Variants in PAG1 observed in about 807,000 individuals in gnomAD.
PAG1 encodes phosphoprotein membrane anchor with glycosphingolipid microdomains 1, also known as phosphoprotein associated with glycosphingolipid-enriched microdomains 1.
A neutral mutation model predicts 31.7 loss-of-function variants in PAG1; 23 were observed. The ratio of observed to expected loss-of-function variants is 0.73; its 90% confidence interval spans 0.52 to 1.03. The LOEUF (loss-of-function observed/expected upper bound fraction) is 1.03. Among genes scored for constraint, PAG1 ranks in the 50% least tolerant of loss-of-function variants. PAG1 has a pLI of 0.00. For synonymous variants in PAG1, 214 were observed against 210.3 expected, an observed-to-expected ratio of 1.02 and a Z score of -0.15; for missense variants, 473 against 540.7, an observed-to-expected ratio of 0.87 and a Z score of 1.24.
chr8:80,996,129 G>A (rs1563622348), intron 3 of PAG1, among the ~76,000 whole-genome samples: 1 of 152,252 alleles, frequency 6.6e-6, no homozygotes, highest in Non-Finnish European at 1.5e-5. Context: ...CCCCAGTTGC[G>A]GGGGCAGCTT....
chr8:81,020,325 G>C (rs1808141529), intron 3 of PAG1, among the ~76,000 whole-genome samples: 1 of 152,152 alleles, frequency 6.6e-6, no homozygotes, highest in Middle Eastern at 3.2e-3. Flanking sequence ...GGAGGGGCCA[G>C]GGGTAGAATG....
At chr8:81,079,496 A>C (rs1809231209) in intron 1 of PAG1, among the ~76,000 whole-genome samples, 1 of 152,092 alleles carries the variant, frequency 6.6e-6, no homozygotes, top group Non-Finnish European at 1.5e-5. Flanking sequence ...GATCAACAGG[A>C]ATAACTTATT....
At chr8:81,023,307 G>T (rs1011159524) in intron 3 of PAG1, among the ~76,000 whole-genome samples, 3 of 151,962 alleles carry the variant, frequency 2.0e-5, no homozygotes, top group African/African-American at 7.2e-5. Context: ...ACAAATTTTT[G>T]AAATGACAAA....
chr8:81,010,783 C>A (rs1001899068), intron 3 of PAG1, among the ~76,000 whole-genome samples: 8 of 152,230 alleles, frequency 5.3e-5, no homozygotes, highest in Admixed American at 5.2e-4. Context: ...GGCAGGTGGA[C>A]CCAACCATTC....
chr8:80,993,751 A>T (rs1319263600), intron 3 of PAG1, among the ~76,000 whole-genome samples: 1 of 147,896 alleles, frequency 6.8e-6, no homozygotes, highest in African/African-American at 2.5e-5. Context: ...GACTACAGGC[A>T]TGCGCCACCA....
intron 3 of PAG1, among the ~76,000 whole-genome samples, chr8:80,997,990 C>G (rs1398937471): frequency 2.0e-5 from 3 of 152,178 alleles, no homozygotes; most frequent in African/African-American, 7.2e-5. Context: ...GGGATTCTTT[C>G]AAAGATTTAT....
chr8:81,047,522 A>G (rs1267771494), intron 2 of PAG1, among the ~76,000 whole-genome samples: 1 of 152,208 alleles, frequency 6.6e-6, no homozygotes, highest in African/African-American at 2.4e-5. Flanking sequence ...GGAGGAATGT[A>G]TACAATAATC....
chr8:81,106,483 TA>T (rs1423453863), intron 1 of PAG1, among the ~76,000 whole-genome samples: 1 of 152,156 alleles, frequency 6.6e-6, no homozygotes, highest in African/African-American at 2.4e-5. Flanking sequence ...TCTTCTGCAA[TA>T]AACAGTCTAC....
rs546372212 is a variant in PAG1, at chr8:80,998,898, C to CA, written c.-80-5592dup. Among the ~76,000 whole-genome samples, 21 of 152,296 alleles carry CA rather than the reference C, an allele frequency of 1.4e-4. No individual in the cohort carries two copies. In the South Asian group the frequency reaches 4.4e-3, roughly 32 times the overall value. Reference sequence around the variant, plus strand: ...CCCTCACTGTTGGATGAAATATGGTCAAGGGCCCAATCCCAGTGGGAATTC... The same window carrying CA: ...CCCTCACTGTTGGATGAAATATGGTCAAAGGGCCCAATCCCAGTGGGAATTC... On this transcript the variant is annotated intron_variant, in intron 3 of 8. Transcript: ENST00000220597.
At chr8:81,090,261 C>A (rs1809424195) in intron 1 of PAG1, among the ~76,000 whole-genome samples, 1 of 152,146 alleles carries the variant, frequency 6.6e-6, no homozygotes, top group African/African-American at 2.4e-5. Context: ...CTGGGGTGGA[C>A]TATAAAACAA....
At chr8:81,002,920 A>G (rs1308399275) in intron 3 of PAG1, among the ~76,000 whole-genome samples, 3 of 152,234 alleles carry the variant, frequency 2.0e-5, no homozygotes, top group Non-Finnish European at 4.4e-5. Context: ...TCCAGAGCTT[A>G]TCCTCACAGC....
chr8:81,017,989 A>C (rs1808100912), intron 3 of PAG1, among the ~76,000 whole-genome samples: 1 of 152,238 alleles, frequency 6.6e-6, no homozygotes. Context: ...ATATGTCTAT[A>C]ATCAAAACCC....
At chr8:80,988,808 C>T (rs2130464139) in intron 5 of PAG1, among the ~76,000 whole-genome samples, 1 of 152,310 alleles carries the variant, frequency 6.6e-6, no homozygotes, top group Admixed American at 6.5e-5. Flanking sequence ...GGAAGAATGG[C>T]ATCAATAGTT....
intron 2 of PAG1, among the ~76,000 whole-genome samples, chr8:81,050,794 C>T (rs767213812): frequency 1.1e-4 from 16 of 152,174 alleles, no homozygotes; most frequent in Non-Finnish European, 1.5e-4. Context: ...GAGTCAACTC[C>T]GCAATCGCAT....
intron 2 of PAG1, among the ~76,000 whole-genome samples, chr8:81,040,424 GCTT>G (rs1808534452): frequency 6.6e-6 from 1 of 151,896 alleles, no homozygotes; most frequent in African/African-American, 2.4e-5. Flanking sequence ...CGCTACCTGT[GCTT>G]CTTCCCCTAA....
At chr8:81,020,075 TG>T (rs1321345245) in intron 3 of PAG1, among the ~76,000 whole-genome samples, 1 of 152,202 alleles carries the variant, frequency 6.6e-6, no homozygotes, top group East Asian at 1.9e-4. Flanking sequence ...GTAACCCCTT[TG>T]TTTTGGCCAA....
At chr8:81,042,085 A>G (rs891699339) in intron 2 of PAG1, among the ~76,000 whole-genome samples, 2 of 152,202 alleles carry the variant, frequency 1.3e-5, no homozygotes, top group Non-Finnish European at 2.9e-5. Context: ...TGATTCTTCA[A>G]GATTAAGGCA....
chr8:80,986,101 A>G (rs1269606509), intron 6 of PAG1, among the ~76,000 whole-genome samples: 1 of 152,228 alleles, frequency 6.6e-6, no homozygotes, highest in Admixed American at 6.5e-5. Flanking sequence ...TCATTCAATG[A>G]AACAGAAAGC....
intron 2 of PAG1, among the ~76,000 whole-genome samples, chr8:81,064,966 C>A (rs558624821): frequency 5.3e-5 from 8 of 152,312 alleles, no homozygotes; most frequent in Admixed American, 1.3e-4. Flanking sequence ...CCCAATGTAG[C>A]TATCAGTGGA....
Sources: gnomAD v4.1 joint callset for allele counts (sites outside exome capture counted in the v4.1 genomes callset) on GRCh38, gnomAD v4.1.1 for gene constraint, MANE v1.5 for transcripts, NCBI Gene and HGNC (gene_info 2026-07-23, HGNC 2026-07-21) for gene names.